SLF1: variants seen among roughly 807,000 people sequenced by gnomAD.
SLF1 encodes the protein SMC5-SMC6 complex localization factor protein 1.
A neutral mutation model predicts 123.0 loss-of-function variants in SLF1; 105 were observed. The ratio of observed to expected loss-of-function variants is 0.85; its 90% confidence interval spans 0.73 to 1.00. SLF1 has a LOEUF of 1.00. SLF1 is among the 50% of genes least tolerant of loss of function. The pLI, the probability that SLF1 is intolerant of heterozygous loss-of-function variation, is 0.00. For synonymous variants in SLF1, 434 were observed against 406.6 expected (o/e 1.07, Z -0.81); for missense variants, 1,239 against 1,223.0 (o/e 1.01, Z -0.20).
chr5:94,640,670 T>A (rs778400185), intron 4 of SLF1, among the ~76,000 whole-genome samples: 113 of 152,238 alleles, frequency 7.4e-4, no homozygotes, highest in South Asian at 1.0e-3. Flanking sequence ...TGTTCTTTTT[T>A]TAAAAAAAAA....
At chr5:94,664,083 G>T (rs1245442965) in intron 11 of SLF1, among the ~76,000 whole-genome samples, 175 bp downstream of exon 11, 3 of 151,646 alleles carry the variant, frequency 2.0e-5, no homozygotes, top group African/African-American at 7.3e-5. Flanking sequence ...CTACATACTA[G>T]GTACTACTCT....
intron 1 of SLF1, among the ~76,000 whole-genome samples, chr5:94,622,308 G>A (rs1791870895): frequency 6.6e-6 from 1 of 152,122 alleles, no homozygotes; most frequent in South Asian, 2.1e-4. Flanking sequence ...TTCAGATGAG[G>A]GGAGTTTCAA....
At chr5:94,619,916 T>A (rs1209238387) in intron 1 of SLF1, 1 of 152,254 alleles carries the variant, frequency 6.6e-6, no homozygotes. Flanking sequence ...AGAGCCTTGC[T>A]CTGTTGCCCA....
At chr5:94,686,981 G>T (rs917927470) in intron 16 of SLF1, among the ~76,000 whole-genome samples, 2 of 152,192 alleles carry the variant, frequency 1.3e-5, no homozygotes, top group African/African-American at 4.8e-5. Context: ...TAGAGACGGG[G>T]TCTCGATCTC....
At chr5:94,681,234 A>C (rs917092734) in intron 15 of SLF1, among the ~76,000 whole-genome samples, 1 of 152,046 alleles carries the variant, frequency 6.6e-6, no homozygotes, top group African/African-American at 2.4e-5. Context: ...GGTTCAAGCA[A>C]TTCTTGTGCC....
chr5:94,659,680 A>G (rs781628939), intron 9 of SLF1, among the ~76,000 whole-genome samples: 10 of 152,106 alleles, frequency 6.6e-5, no homozygotes, highest in Non-Finnish European at 1.2e-4. Context: ...GGGGATGTGG[A>G]CACAGGCATG....
intron 9 of SLF1, among the ~76,000 whole-genome samples, chr5:94,655,795 T>A (rs1748300930): frequency 6.6e-6 from 1 of 152,142 alleles, no homozygotes; most frequent in South Asian, 2.1e-4. Flanking sequence ...GAATGTTAAC[T>A]TTTTATCTCA....
Position 94,645,511 on chromosome 5 carries a change from T to C in SLF1, c.594+2076T>C, listed in dbSNP as rs182085316. On this transcript the variant is annotated intron_variant, in intron 5 of 20. Transcript: ENST00000265140. ...ACCGCTCGGAATAGTTTAAATGTAGTATTAACTATGAAGAGAACGAAAGTT... is the reference window on the plus strand; with the variant it reads ...ACCGCTCGGAATAGTTTAAATGTAGCATTAACTATGAAGAGAACGAAAGTT... Among the ~76,000 whole-genome samples the C allele has an allele frequency of 3.9e-5, 6 of 152,360 alleles. No individual in the cohort carries two copies. In the East Asian group the frequency reaches 1.2e-3, roughly 29 times the overall value.
intron 9 of SLF1, among the ~76,000 whole-genome samples, chr5:94,659,328 T>A (rs1483913135): frequency 6.6e-6 from 1 of 152,200 alleles, no homozygotes; most frequent in African/African-American, 2.4e-5. Flanking sequence ...TTTTAGGAAT[T>A]TCATTGGTTT....
intron 16 of SLF1, 104 bp downstream of exon 16, chr5:94,686,822 C>G (rs1293509496): frequency 2.3e-6 from 3 of 1,317,540 alleles, no homozygotes; most frequent in African/African-American, 1.5e-5. Context: ...GAGGCTTGCT[C>G]TGTCGCCCAG....
chr5:94,679,455 C>T (rs887580785), intron 15 of SLF1, among the ~76,000 whole-genome samples: 54 of 151,710 alleles, frequency 3.6e-4, no homozygotes, highest in African/African-American at 1.2e-3. Context: ...ATTTGCTGGA[C>T]GTGGTCTATG....
At chr5:94,643,905 C>G (rs1746720022) in intron 5 of SLF1, among the ~76,000 whole-genome samples, 3 of 152,056 alleles carry the variant, frequency 2.0e-5, no homozygotes. Context: ...TTTAAGAGCA[C>G]TCAGGGGAGA....
chr5:94,670,716 TTA>T, intron 13 of SLF1, 125 bp from the exon 14 acceptor site: 2 of 689,306 alleles, frequency 2.9e-6, no homozygotes, highest in Non-Finnish European at 4.8e-6. Context: ...ATTATAATTG[TTA>T]TAATCTTTAT....
rs973413998 is a variant in SLF1 at position 94,691,522 on chromosome 5, ATCTTG to A, written c.2420-37_2420-33del. ...CCTTTGATTATTTTTTTTAGTTGATATCTTGTCTTCTCTGGAATAATCTATTAATT... is the reference window on the plus strand; with the variant it reads ...CCTTTGATTATTTTTTTTAGTTGATATCTTCTCTGGAATAATCTATTAATT... On this transcript the variant is annotated intron_variant, in intron 18 of 20. Coordinates refer to ENST00000265140, the MANE Select transcript of SLF1 (RefSeq NM_032290.4). The A allele has an allele frequency of 3.3e-6, 5 of 1,514,710 alleles. No individual in the cohort carries two copies. The African/African-American group carries it at 7.0e-5, about 21-fold the overall frequency. The allele number at this position is 1,514,710 out of a possible 1,614,324, so 93.8% of individuals were successfully genotyped here.
At chr5:94,670,334 C>T in intron 13 of SLF1, 55 bp downstream of exon 13, 2 of 1,276,860 alleles carry the variant, frequency 1.6e-6, no homozygotes, top group Non-Finnish European at 2.1e-6. Flanking sequence ...TTTTTATGCA[C>T]CATTTTTTTT....
chr5:94,674,611 C>G (rs1750836980), intron 14 of SLF1, among the ~76,000 whole-genome samples: 1 of 152,086 alleles, frequency 6.6e-6, no homozygotes. Flanking sequence ...GCATTTGTTT[C>G]TTGATTTGCT....
chr5:94,630,665 C>T lies in SLF1; in HGVS notation c.353C>T (p.Thr118Ile), dbSNP rs1394448919. ...AGATGGCGTGAAGAACTGAAACGCA[C>T]TGGTGCTCCAGGAGCCTTCCACAGA... ...PKRWREELKR[T>I]GAPGAFHRWK... Residue 118 changes from threonine (T) to isoleucine (I), a missense_variant, in exon 4 of 21, where the codon ACT becomes ATT. Coordinates refer to ENST00000265140, the MANE Select transcript of SLF1 (RefSeq NM_032290.4). 31 of 1,551,726 alleles carry T rather than the reference C, an allele frequency of 2.0e-5. No individual in the cohort carries two copies. The East Asian group carries it at 3.7e-4, about 18-fold the overall frequency.
chr5:94,692,216 C>T lies in SLF1; in HGVS notation c.2655C>T (p.Asn885=), dbSNP rs145747395. The T allele has an allele frequency of 1.2e-4, 186 of 1,613,706 alleles. No individual in the cohort carries two copies. Among genetic ancestry groups the T allele is most frequent in the Non-Finnish European group, 1.5e-4 (177 of 1,179,748 alleles). Reference sequence around the variant, plus strand: ...CTCCTTTGCATGATGCACTGTCAAACGGACATGTAGAAATTGGCAAGCTGC... The same window carrying T: ...CTCCTTTGCATGATGCACTGTCAAATGGACATGTAGAAATTGGCAAGCTGC... ...GVTPLHDALS[N]GHVEIGKLLL... Residue 885 remains asparagine (N), a synonymous_variant, in exon 20 of 21, where the codon AAC becomes AAT. Transcript: ENST00000265140.
At chr5:94,620,543 T>A (rs1317104966) in intron 1 of SLF1, among the ~76,000 whole-genome samples, 2 of 152,206 alleles carry the variant, frequency 1.3e-5, no homozygotes, top group Non-Finnish European at 2.9e-5. Flanking sequence ...GTACTTTCCT[T>A]ATTATATGTA....
Sources: allele counts gnomAD v4.1 joint callset (sites outside exome capture counted in the v4.1 genomes callset), GRCh38; gene constraint gnomAD v4.1.1; transcripts MANE v1.5; gene names NCBI Gene and HGNC (gene_info 2026-07-23, HGNC 2026-07-21).